Variants in TUSC3 observed in about 807,000 individuals in gnomAD.
TUSC3 encodes tumor suppressor candidate 3.
Under a neutral mutation model 44.8 loss-of-function variants are expected in TUSC3, and 45 were observed. That is an observed-to-expected ratio of 1.00 (90% confidence interval 0.79 to 1.29). The LOEUF is 1.29. Ranked by LOEUF, TUSC3 falls within the 50% of genes most tolerant of loss-of-function variation. TUSC3 has a pLI of 0.00. For missense variants in TUSC3, 519 were observed against 437.9 expected (o/e 1.19, Z -1.65); for synonymous variants, 212 against 152.9 (o/e 1.39, Z -2.85).
chr8:15,603,829 A>G, intron 1 of TUSC3, among the ~76,000 whole-genome samples: 1 of 151,486 alleles, frequency 6.6e-6, no homozygotes, highest in East Asian at 1.9e-4. Context: ...GTTAAATTTT[A>G]CAGACTTATG....
At chr8:15,439,583 A>C (rs1402772113) in intron 1 of TUSC3, among the ~76,000 whole-genome samples, 1 of 152,196 alleles carries the variant, frequency 6.6e-6, no homozygotes, top group African/African-American at 2.4e-5. Flanking sequence ...CAAAAACAGA[A>C]AAACATGAAA....
intron 1 of TUSC3, among the ~76,000 whole-genome samples, chr8:15,541,723 T>C (rs565744129): frequency 1.3e-5 from 2 of 152,230 alleles, no homozygotes; most frequent in East Asian, 3.9e-4. Flanking sequence ...TAAACTGAAA[T>C]TGTATTTACA....
intron 2 of TUSC3, among the ~76,000 whole-genome samples, chr8:15,534,292 A>G (rs887214676): frequency 2.0e-5 from 3 of 152,162 alleles, no homozygotes; most frequent in Admixed American, 6.5e-5. Flanking sequence ...ATATCAGCAC[A>G]ATATTTAGGT....
chr8:15,509,995 C>T (rs1801110631), intron 2 of TUSC3, among the ~76,000 whole-genome samples: 1 of 152,018 alleles, frequency 6.6e-6, no homozygotes, highest in African/African-American at 2.4e-5. Context: ...CATAGCAAGA[C>T]CTCATCTCTA....
At chr8:15,771,661 CAGA>C in the TUSC3 span, among the ~76,000 whole-genome samples, 3 of 151,932 alleles carry the variant, frequency 2.0e-5, no homozygotes, top group East Asian at 1.9e-4. Context: ...CAGTGGATCA[CAGA>C]AGAAGTCATA....
chr8:15,796,830 C>T, the TUSC3 span, among the ~76,000 whole-genome samples: 1 of 152,106 alleles, frequency 6.6e-6, no homozygotes, highest in East Asian at 1.9e-4. Flanking sequence ...CTCGGTGGGC[C>T]CTTCCCAACT....
At chr8:15,643,890 C>T (rs1227205478) in intron 2 of TUSC3, among the ~76,000 whole-genome samples, 3 of 152,106 alleles carry the variant, frequency 2.0e-5, no homozygotes, top group Non-Finnish European at 2.9e-5. Context: ...CTTTGTGTAT[C>T]ACTGTCTATA....
At chr8:15,631,950 G>T (rs1020453321) in intron 2 of TUSC3, among the ~76,000 whole-genome samples, 4 of 152,004 alleles carry the variant, frequency 2.6e-5, no homozygotes, top group African/African-American at 9.7e-5. Context: ...CTCCTGATCC[G>T]CCTGCCTTGG....
intron 6 of TUSC3, among the ~76,000 whole-genome samples, chr8:15,723,331 C>A (rs921489104): frequency 5.3e-5 from 8 of 152,132 alleles, no homozygotes; most frequent in Non-Finnish European, 1.2e-4. Context: ...AGACAAAATT[C>A]TTTGAGTGGC....
chr8:15,737,618 G>A (rs1810994058), intron 7 of TUSC3, among the ~76,000 whole-genome samples: 1 of 152,140 alleles, frequency 6.6e-6, no homozygotes, highest in African/African-American at 2.4e-5. Flanking sequence ...GTGTGTATAG[G>A]ATAAAGGGTA....
At chr8:15,665,619 T>C (rs1357002798) in intron 5 of TUSC3, among the ~76,000 whole-genome samples, 6 of 151,274 alleles carry the variant, frequency 4.0e-5, no homozygotes, top group African/African-American at 1.5e-4. Context: ...GAAATTAGTA[T>C]ATGTAAATAT....
At chr8:15,446,399 C>T (rs62501884) in intron 1 of TUSC3, among the ~76,000 whole-genome samples, 8,751 of 151,946 alleles carry the variant, frequency 0.058, 317 homozygotes, top group East Asian at 0.11. Context: ...GAGGTTGTAG[C>T]GAGTCGAGAT....
chr8:15,594,264 T>C (rs1003363016), intron 1 of TUSC3, among the ~76,000 whole-genome samples: 2 of 152,218 alleles, frequency 1.3e-5, no homozygotes, highest in Non-Finnish European at 1.5e-5. Context: ...TTTTCATCTT[T>C]AGAAGTTTGG....
Position 15,424,682 on chromosome 8 carries a change from T to C in TUSC3, n.91+7377T>C, listed in dbSNP as rs533499325. ...GATCACGAGGTCAGGAGATCGAGAC[T>C]ATCCTGGCTAACACGGTGAAACCCC... On this transcript the variant is annotated intron_variant and non_coding_transcript_variant, in intron 1 of 5. Coordinates refer to the TUSC3 transcript ENST00000503191. 4.9e-4 allele frequency among the ~76,000 whole-genome samples: 75 copies of C among 152,106 alleles called. 1 individual carries two copies. The South Asian group carries it at 0.013, about 26-fold the overall frequency.
At chr8:15,503,845 T>C (rs919870412) in intron 2 of TUSC3, among the ~76,000 whole-genome samples, 1 of 151,484 alleles carries the variant, frequency 6.6e-6, no homozygotes, top group African/African-American at 2.4e-5. Context: ...CTACTAAAAA[T>C]ACAAAAATGG....
At chr8:15,712,574 C>G (rs928021855) in intron 6 of TUSC3, among the ~76,000 whole-genome samples, 3 of 152,010 alleles carry the variant, frequency 2.0e-5, no homozygotes, top group Non-Finnish European at 4.4e-5. Flanking sequence ...TACGTGGTCT[C>G]CAAAGGACAC....
At chr8:15,837,156 G>C in the TUSC3 span, among the ~76,000 whole-genome samples, 1 of 151,968 alleles carries the variant, frequency 6.6e-6, no homozygotes, top group Admixed American at 6.6e-5. Context: ...TGAGGCTGAA[G>C]GTAATTATTT....
At chr8:15,491,890 G>T (rs768615908) in intron 2 of TUSC3, among the ~76,000 whole-genome samples, 1 of 152,076 alleles carries the variant, frequency 6.6e-6, no homozygotes, top group African/African-American at 2.4e-5. Flanking sequence ...TAATGCATTC[G>T]CTGTTCCACA....
the TUSC3 span, among the ~76,000 whole-genome samples, chr8:15,846,889 A>AAC: frequency 4.0e-5 from 6 of 150,320 alleles, no homozygotes; most frequent in East Asian, 1.9e-4. Context: ...AAAAAAAAAA[A>AAC]ACACACACAC....
Sources: gnomAD v4.1 joint callset for allele counts (sites outside exome capture counted in the v4.1 genomes callset) on GRCh38, gnomAD v4.1.1 for gene constraint, MANE v1.5 for transcripts, NCBI Gene and HGNC (gene_info 2026-07-23, HGNC 2026-07-21) for gene names.